SORCS1: variants seen among roughly 807,000 people sequenced by gnomAD.
SORCS1 encodes VPS10 domain-containing receptor SorCS1.
Under a neutral mutation model 146.1 loss-of-function variants are expected in SORCS1, and 60 were observed. The ratio of observed to expected loss-of-function variants is 0.41; its 90% CI spans 0.33 to 0.51. The LOEUF (loss-of-function observed/expected upper bound fraction) is 0.51. SORCS1 is among the 20% of genes least tolerant of loss of function. The pLI is 0.21. For synonymous variants in SORCS1, 637 were observed against 584.0 expected (o/e 1.09, Z -1.31); for missense variants, 1,352 against 1,487.6 (o/e 0.91, Z 1.50).
intron 2 of SORCS1, among the ~76,000 whole-genome samples, chr10:106,921,606 G>C (rs758162055): frequency 3.9e-5 from 6 of 152,104 alleles, no homozygotes; most frequent in Non-Finnish European, 7.4e-5. Flanking sequence ...TAATAACTCA[G>C]TGCAAGGGAC....
At chr10:106,900,380 T>C (rs140447561) in intron 2 of SORCS1, among the ~76,000 whole-genome samples, 25 of 152,278 alleles carry the variant, frequency 1.6e-4, no homozygotes, top group Middle Eastern at 3.4e-3. Flanking sequence ...TTATATCCTA[T>C]TAATAGCCCT....
At chr10:107,103,853 C>T (rs186639556) in intron 1 of SORCS1, among the ~76,000 whole-genome samples, 3 of 152,264 alleles carry the variant, frequency 2.0e-5, no homozygotes, top group South Asian at 2.1e-4. Flanking sequence ...CCTAAGCACC[C>T]GTGGCCACTG....
intron 2 of SORCS1, among the ~76,000 whole-genome samples, chr10:106,934,042 C>A (rs984770776): frequency 6.9e-6 from 1 of 144,930 alleles, no homozygotes; most frequent in Non-Finnish European, 1.5e-5. Context: ...TGCAGTGAGT[C>A]GAGATCACAC....
At chr10:106,997,609 A>C (rs1167726540) in intron 1 of SORCS1, among the ~76,000 whole-genome samples, 1 of 152,300 alleles carries the variant, frequency 6.6e-6, no homozygotes, top group African/African-American at 2.4e-5. Context: ...AGTTTCCTTT[A>C]CTTAGGAAAC....
At chr10:107,120,634 C>A (rs1340708074) in intron 1 of SORCS1, among the ~76,000 whole-genome samples, 2 of 152,198 alleles carry the variant, frequency 1.3e-5, no homozygotes, top group African/African-American at 4.8e-5. Context: ...CCTAATAGAT[C>A]TTTCCACCTG....
intron 1 of SORCS1, among the ~76,000 whole-genome samples, chr10:107,075,712 T>C (rs1962821037): frequency 6.6e-6 from 1 of 152,126 alleles, no homozygotes; most frequent in Non-Finnish European, 1.5e-5. Context: ...TATATATGGG[T>C]AGCAACTTTT....
rs576018087 is a variant in SORCS1, at chr10:106,974,955, T to C, written c.559-18375A>G. 4.6e-5 allele frequency among the ~76,000 whole-genome samples: 7 copies of C among 152,264 alleles called. No homozygotes were observed. The South Asian group carries it at 1.5e-3, about 32-fold the overall frequency. On this transcript the variant is annotated intron_variant, in intron 1 of 25. Coordinates refer to ENST00000263054, the MANE Select transcript of SORCS1 (RefSeq NM_052918.5). ...CACAAACAAAACCTGAGGTCTAACA[T>C]TCACATCAGCAATGCCTGCAGCCCT...
At chr10:106,739,441 C>T (rs1589775319) in intron 5 of SORCS1, among the ~76,000 whole-genome samples, 1 of 150,544 alleles carries the variant, frequency 6.6e-6, no homozygotes, top group East Asian at 2.0e-4. Flanking sequence ...GCCAAGATTG[C>T]ACCACTGCAC....
intron 20 of SORCS1, among the ~76,000 whole-genome samples, chr10:106,619,287 T>TTCA: frequency 6.6e-6 from 1 of 152,324 alleles, no homozygotes; most frequent in South Asian, 2.1e-4. Flanking sequence ...CACACATAGT[T>TTCA]TCAGGTGAAA....
At chr10:107,092,735 G>A (rs962658825) in intron 1 of SORCS1, among the ~76,000 whole-genome samples, 1 of 151,966 alleles carries the variant, frequency 6.6e-6, no homozygotes, top group African/African-American at 2.4e-5. Flanking sequence ...ATATCTTTTT[G>A]TGGCTTTTCA....
intron 2 of SORCS1, among the ~76,000 whole-genome samples, chr10:106,895,251 T>G (rs1951421494): frequency 6.6e-6 from 1 of 152,200 alleles, no homozygotes; most frequent in South Asian, 2.1e-4. Context: ...GGTCCTCACT[T>G]ACCTTAGACC....
intron 1 of SORCS1, among the ~76,000 whole-genome samples, chr10:107,103,576 T>C (rs946062030): frequency 9.9e-5 from 15 of 152,230 alleles, no homozygotes; most frequent in African/African-American, 3.6e-4. Flanking sequence ...AAACTACACA[T>C]TTCTGTGCTC....
intron 1 of SORCS1, among the ~76,000 whole-genome samples, chr10:107,127,630 C>A (rs189447458): frequency 3.3e-5 from 5 of 152,172 alleles, no homozygotes; most frequent in African/African-American, 1.2e-4. Context: ...ACATCTCACG[C>A]CTTTTCTGAT....
intron 1 of SORCS1, among the ~76,000 whole-genome samples, chr10:107,087,705 A>G (rs980453094): frequency 4.6e-5 from 7 of 152,236 alleles, no homozygotes; most frequent in Non-Finnish European, 1.0e-4. Context: ...AGGTCATGAG[A>G]AGTCAAGCGT....
intron 5 of SORCS1, among the ~76,000 whole-genome samples, chr10:106,749,287 T>C (rs1857975023): frequency 6.6e-6 from 1 of 152,214 alleles, no homozygotes; most frequent in Non-Finnish European, 1.5e-5. Context: ...AGGTTCTAGT[T>C]TGTCCTTGTT....
At chr10:106,636,357 A>G (rs1187035750) in intron 18 of SORCS1, among the ~76,000 whole-genome samples, 9 of 152,194 alleles carry the variant, frequency 5.9e-5, no homozygotes, top group African/African-American at 1.9e-4. Flanking sequence ...TTGAAAGTTT[A>G]CTGTGTCAGA....
intron 1 of SORCS1, among the ~76,000 whole-genome samples, chr10:107,019,429 T>C (rs529969600): frequency 6.6e-6 from 1 of 152,240 alleles, no homozygotes; most frequent in East Asian, 1.9e-4. Context: ...CACAGAAATA[T>C]GAGTTGGGAA....
At chr10:106,820,654 G>A (rs1399004256) in intron 3 of SORCS1, among the ~76,000 whole-genome samples, 2 of 152,170 alleles carry the variant, frequency 1.3e-5, no homozygotes, top group East Asian at 3.9e-4. Flanking sequence ...TGATACATTG[G>A]AGTGAAACAT....
intron 1 of SORCS1, among the ~76,000 whole-genome samples, chr10:106,963,441 G>C (rs1977467): frequency 6.6e-6 from 1 of 151,758 alleles, no homozygotes; most frequent in African/African-American, 2.4e-5. Context: ...TTGTTTTCTT[G>C]GCACTCCAAT....
Sources: allele counts gnomAD v4.1 joint callset (sites outside exome capture counted in the v4.1 genomes callset), GRCh38; gene constraint gnomAD v4.1.1; transcripts MANE v1.5; gene names NCBI Gene and HGNC (gene_info 2026-07-23, HGNC 2026-07-21).